ELAVL3: variants seen among roughly 807,000 people sequenced by gnomAD.
ELAVL3 encodes ELAV like RNA binding protein 3.
In ELAVL3, 8 loss-of-function variants were observed where a neutral mutation model predicts 34.2. The observed-to-expected ratio is 0.23, with a 90% CI of 0.14 to 0.42. The LOEUF (loss-of-function observed/expected upper bound fraction) is 0.42. Ranked by LOEUF, ELAVL3 falls within the 10% of genes least tolerant of loss-of-function variation. ELAVL3 has a pLI of 1.00. For missense variants in ELAVL3, 273 were observed against 518.8 expected (o/e 0.53, Z 4.60); for synonymous variants, 209 against 222.1 (o/e 0.94, Z 0.53).
chr19:11,479,366 C>G (rs1359459814), intron 1 of ELAVL3, among the ~76,000 whole-genome samples: 1 of 152,060 alleles, frequency 6.6e-6, no homozygotes, highest in Non-Finnish European at 1.5e-5. Flanking sequence ...GCCAATCATG[C>G]CCCCACCCCC....
chr19:11,480,415 A>C lies in ELAVL3; in HGVS notation c.9+185T>G. 1 of 623,296 alleles carries C rather than the reference A, an allele frequency of 1.6e-6. No homozygotes were observed. 38.6% of individuals were successfully genotyped at this position (623,296 alleles called of 1,614,324 possible). A position where few individuals can be genotyped will look rare whatever the true frequency, so the allele number is the denominator to read the frequency against. Reference sequence around the variant, plus strand: ...TAAGGCCCTCTCAGACCAAGCTCTAAGCGCCCTCAGCACTCTGGGCGCGGC... The same window carrying C: ...TAAGGCCCTCTCAGACCAAGCTCTACGCGCCCTCAGCACTCTGGGCGCGGC... On this transcript the variant is annotated intron_variant, in intron 1 of 6. Coordinates refer to ENST00000359227, the MANE Select transcript of ELAVL3 (RefSeq NM_001420.4). This position sits in a 1 kb window ranked among gnomAD's most constrained non-coding sequence, Gnocchi z 6.8.
In ELAVL3 at chr19:11,480,509, A is replaced by AC. The variant is rs545329258; in HGVS notation, c.9+90dup. 24,584 of 1,134,638 alleles carry AC rather than the reference A, an allele frequency of 0.022. 431 individuals are homozygous for AC. Among genetic ancestry groups the AC allele is most frequent in the African/African-American group, 0.11 (5,795 of 51,966 alleles). The allele number at this position is 1,134,638 out of a possible 1,614,324, so 70.3% of individuals were successfully genotyped here. ...CCCGGGCCTAGCTAGGCCTGGTCCT[A>AC]CCCCCCCCGCCGCACCCGCCCAATC... On this transcript the variant is annotated intron_variant, in intron 1 of 6. Coordinates refer to ENST00000359227, the MANE Select transcript of ELAVL3 (RefSeq NM_001420.4). The surrounding 1 kb of genome is among the most constrained non-coding windows in gnomAD (Gnocchi z 6.8).
At chr19:11,457,917 C>T in intron 5 of ELAVL3, 144 bp downstream of exon 5, 3 of 806,346 alleles carry the variant, frequency 3.7e-6, no homozygotes, top group Non-Finnish European at 5.9e-6. Flanking sequence ...GAGTGGCTGG[C>T]CTTGGCACCT....
At chr19:11,457,055 G>A in intron 6 of ELAVL3, 55 bp downstream of exon 6, 3 of 1,393,210 alleles carry the variant, frequency 2.2e-6, no homozygotes, top group Non-Finnish European at 2.8e-6. Context: ...GGGGAGGGGT[G>A]CATCAGGGGC....
chr19:11,464,149 CTCTATA>C (rs1444431429), intron 3 of ELAVL3, among the ~76,000 whole-genome samples: 6 of 96,576 alleles, frequency 6.2e-5, no homozygotes, highest in African/African-American at 3.5e-4. Context: ...CTCTCTCTCT[CTCTATA>C]TATATATATA....
At position 11,453,989 on chromosome 19, in the gene ELAVL3, C is replaced by T. The variant is rs1970712432; in HGVS notation, c.*537G>A. 5 of 152,180 alleles carry T rather than the reference C, an allele frequency of 3.3e-5. No individual in the cohort carries two copies. The highest frequency in any genetic ancestry group is 2.6e-4 in the Admixed American group (4 of 15,258). 9.4% of individuals were successfully genotyped at this position (152,180 alleles called of 1,614,324 possible). A position where few individuals can be genotyped will look rare whatever the true frequency, so the allele number is the denominator to read the frequency against. ...TTTCATTTTGTTTCTGCTTCCAGCC[C>T]CACTGCCTGCTCCCCCGCATTCCAC... On this transcript the variant is annotated 3_prime_UTR_variant, in exon 7 of 7. Coordinates refer to ENST00000359227, the MANE Select transcript of ELAVL3 (RefSeq NM_001420.4).
chr19:11,456,074 G>T (rs1274326810), intron 6 of ELAVL3, among the ~76,000 whole-genome samples: 3 of 151,976 alleles, frequency 2.0e-5, no homozygotes, highest in Non-Finnish European at 4.4e-5. Context: ...GGGACTGGGG[G>T]GTCTCTGCTG....
intron 3 of ELAVL3, among the ~76,000 whole-genome samples, chr19:11,461,693 G>T (rs1241011018): frequency 6.6e-6 from 1 of 151,898 alleles, no homozygotes; most frequent in Admixed American, 6.6e-5. Flanking sequence ...GACCCCCCCG[G>T]GCTCCAGCAA....
intron 1 of ELAVL3, among the ~76,000 whole-genome samples, chr19:11,477,979 C>T (rs895223485): frequency 5.9e-5 from 9 of 152,158 alleles, no homozygotes; most frequent in African/African-American, 1.7e-4. Context: ...CATGAGCCAC[C>T]GTGCTAGATC....
rs1315712954 is a variant in ELAVL3 at position 11,454,153 on chromosome 19, CT to C, written c.*372del. 5.2e-6 allele frequency: 1 copy of C among 191,908 alleles called. No homozygotes were observed. The highest frequency in any genetic ancestry group is 1.1e-5 in the Non-Finnish European group (1 of 92,322). 11.9% of individuals were successfully genotyped at this position (191,908 alleles called of 1,614,324 possible). On this transcript the variant is annotated 3_prime_UTR_variant, in exon 7 of 7. Transcript: ENST00000359227. This position sits in a 1 kb window ranked among gnomAD's most constrained non-coding sequence, Gnocchi z 9.2. ...GCAAGGGGGTCTGGGAGGGCACCCC[CT>C]GGAGCCCCCCAAGCCATCCCATCGG...
rs374445012 is a variant in ELAVL3 at position 11,452,791 on chromosome 19, G to T, written c.*1735C>A. The T allele has an allele frequency of 2.0e-5, 3 of 152,064 alleles. No individual in the cohort carries two copies. Among genetic ancestry groups the T allele is most frequent in the African/African-American group, 7.2e-5 (3 of 41,486 alleles). The allele number at this position is 152,064 out of a possible 1,614,324, so 9.4% of individuals were successfully genotyped here. On this transcript the variant is annotated 3_prime_UTR_variant, in exon 7 of 7. Transcript: ENST00000359227. ...GGGCCGCTGAGTGGGGTGGGGAGCG[G>T]TGCGAGGGCTCCCAGGGGCTCCGGC...
chr19:11,468,581 A>T (rs914660655), intron 1 of ELAVL3, among the ~76,000 whole-genome samples: 5 of 150,188 alleles, frequency 3.3e-5, no homozygotes, highest in Non-Finnish European at 7.4e-5. Flanking sequence ...CGCCCGCCAA[A>T]TTTTTTTGTG....
chr19:11,457,951 A>G, intron 5 of ELAVL3, 110 bp downstream of exon 5: 2 of 1,177,840 alleles, frequency 1.7e-6, no homozygotes, highest in Admixed American at 2.1e-5. Context: ...CTTGGCTCCC[A>G]TGTGTGCGCA....
chr19:11,475,322 T>C (rs753452972), intron 1 of ELAVL3, among the ~76,000 whole-genome samples: 11 of 152,190 alleles, frequency 7.2e-5, no homozygotes, highest in Non-Finnish European at 1.5e-4. Context: ...GTCCTGGATC[T>C]GTTTGCAGAG....
Position 11,480,763 on chromosome 19 carries a change from G to C in ELAVL3, c.-155C>G. 1 of 646,292 alleles carries C rather than the reference G, an allele frequency of 1.5e-6. No homozygotes were observed. Among genetic ancestry groups the C allele is most frequent in the Non-Finnish European group, 2.3e-6 (1 of 440,632 alleles). The allele number at this position is 646,292 out of a possible 1,614,324, so 40.0% of individuals were successfully genotyped here. A position where few individuals can be genotyped will look rare whatever the true frequency, so the allele number is the denominator to read the frequency against. On this transcript the variant is annotated 5_prime_UTR_variant, in exon 1 of 7. Coordinates refer to ENST00000359227, the MANE Select transcript of ELAVL3 (RefSeq NM_001420.4). The surrounding 1 kb of genome is among the most constrained non-coding windows in gnomAD (Gnocchi z 6.8). Reference sequence around the variant, plus strand: ...CGATGAAGGCGGCGGCTCCCTCGAGGGCCAGGGACGGGCCCGAACCCGGGG... The same window carrying C: ...CGATGAAGGCGGCGGCTCCCTCGAGCGCCAGGGACGGGCCCGAACCCGGGG...
At chr19:11,479,070 A>T (rs1322039731) in intron 1 of ELAVL3, among the ~76,000 whole-genome samples, 1 of 151,956 alleles carries the variant, frequency 6.6e-6, no homozygotes, top group Non-Finnish European at 1.5e-5. Flanking sequence ...CCCTTGTGTG[A>T]CCTCTGACCA....
At chr19:11,468,572 G>A (rs1333718045) in intron 1 of ELAVL3, among the ~76,000 whole-genome samples, 2 of 151,834 alleles carry the variant, frequency 1.3e-5, no homozygotes, top group African/African-American at 2.4e-5. Context: ...CCACCACCAC[G>A]CCCGCCAAAT....
intron 6 of ELAVL3, among the ~76,000 whole-genome samples, chr19:11,456,543 A>G (rs1290547666): frequency 2.7e-5 from 4 of 149,360 alleles, no homozygotes; most frequent in Admixed American, 2.7e-4. Context: ...CTTGTTGCCC[A>G]GGCTGGAGTG....
chr19:11,479,481 C>A (rs951856878), intron 1 of ELAVL3, among the ~76,000 whole-genome samples: 6 of 152,076 alleles, frequency 3.9e-5, no homozygotes, highest in Non-Finnish European at 8.8e-5. Flanking sequence ...GAGGCCCAGG[C>A]GCCGGGACCA....
Sources: allele counts gnomAD v4.1 joint callset (sites outside exome capture counted in the v4.1 genomes callset), GRCh38; gene constraint gnomAD v4.1.1; non-coding constraint Gnocchi (gnomAD v3.1); transcripts MANE v1.5; gene names NCBI Gene and HGNC (gene_info 2026-07-23, HGNC 2026-07-21).